The following RTTN variants were observed in gnomAD, a reference collection of about 807,000 sequenced individuals.
The protein encoded by RTTN is rotatin.
RTTN carries 182 observed loss-of-function variants against 269.2 expected under a neutral mutation model. The observed-to-expected ratio is 0.68, with a 90% CI of 0.60 to 0.76. The LOEUF (loss-of-function observed/expected upper bound fraction) is 0.76, where lower values mean the gene tolerates loss of function less well. Ranked by LOEUF, RTTN falls within the 30% of genes least tolerant of loss-of-function variation. The pLI is 0.00. For missense variants in RTTN, 2,545 were observed against 2,608.6 expected, an observed-to-expected ratio of 0.98 and a Z score of 0.53; for synonymous variants, 1,006 against 963.5, an observed-to-expected ratio of 1.04 and a Z score of -0.82.
intron 10 of RTTN, among the ~76,000 whole-genome samples, chr18:70,181,558 T>A (rs2061422684): frequency 6.6e-6 from 1 of 152,202 alleles, no homozygotes; most frequent in Non-Finnish European, 1.5e-5. Context: ...CATGCTGAGT[T>A]ACAGGGTTCC....
intron 14 of RTTN, among the ~76,000 whole-genome samples, chr18:70,164,546 C>T (rs1278812213): frequency 4.4e-5 from 2 of 45,374 alleles, no homozygotes; most frequent in East Asian, 0.023. Flanking sequence ...ATACATATCA[C>T]CATCAAAAAA....
intron 3 of RTTN, among the ~76,000 whole-genome samples, chr18:70,203,769 C>T (rs2062011483): frequency 6.6e-6 from 1 of 152,124 alleles, no homozygotes; most frequent in Non-Finnish European, 1.5e-5. Context: ...AAATATAAAG[C>T]ACTAAGAACA....
intron 34 of RTTN, among the ~76,000 whole-genome samples, chr18:70,066,592 T>C (rs531643362): frequency 8.5e-5 from 13 of 152,336 alleles, no homozygotes; most frequent in African/African-American, 3.1e-4. Flanking sequence ...AAAACACTTA[T>C]GTGGTGAGGT....
At chr18:70,105,827 T>C (rs1315113691) in intron 28 of RTTN, among the ~76,000 whole-genome samples, 1 of 152,100 alleles carries the variant, frequency 6.6e-6, no homozygotes, top group African/African-American at 2.4e-5. Context: ...CAATAAAACA[T>C]ATTTTTATAA....
intron 44 of RTTN, among the ~76,000 whole-genome samples, chr18:70,022,401 G>C (rs1383062506): frequency 6.6e-6 from 1 of 151,582 alleles, no homozygotes; most frequent in Non-Finnish European, 1.5e-5. Context: ...TACCCTCTCA[G>C]GCTGGGCTCT....
chr18:70,011,103 A>T (rs970622273), intron 46 of RTTN, among the ~76,000 whole-genome samples: 9 of 152,242 alleles, frequency 5.9e-5, no homozygotes, highest in Non-Finnish European at 7.3e-5. Flanking sequence ...TTAATAGCCT[A>T]CCAACCAAAA....
At chr18:70,085,958 A>G (rs2058689642) in intron 32 of RTTN, among the ~76,000 whole-genome samples, 1 of 152,176 alleles carries the variant, frequency 6.6e-6, no homozygotes, top group South Asian at 2.1e-4. Flanking sequence ...ACATGTACAT[A>G]TATCCCATGA....
At chr18:70,018,923 G>GA (rs368684885) in intron 45 of RTTN, among the ~76,000 whole-genome samples, 2 of 133,964 alleles carry the variant, frequency 1.5e-5, no homozygotes, top group Non-Finnish European at 3.1e-5. Context: ...TACCATGGTA[G>GA]AAAAAAAAAC....
rs2060221243 is a variant in RTTN at position 70,140,190 on chromosome 18, T to C, written c.2582-2A>G. 1 of 1,533,746 alleles carries C rather than the reference T, an allele frequency of 6.5e-7. No individual in the cohort carries two copies. The highest frequency in any genetic ancestry group is 1.7e-4 in the Middle Eastern group (1 of 5,900). The stretch of plus-strand genomic sequence containing the variant: ...TCACCACAGCATGCATTTTAATATC[T>C]GTAGATAAAAAAAGTTACTAAAAGT... On this transcript the variant is annotated splice_acceptor_variant, in intron 19 of 48. Coordinates refer to ENST00000640769, the MANE Select transcript of RTTN (RefSeq NM_173630.4). LOFTEE classifies it high-confidence loss of function.
chr18:70,205,400 G>A (rs2062051672), intron 1 of RTTN, 85 bp from the exon 2 acceptor site: 6 of 1,549,220 alleles, frequency 3.9e-6, no homozygotes, highest in Non-Finnish European at 8.8e-7. Context: ...GCGGCGTGAA[G>A]ACGGAATAAA....
Position 70,199,452 on chromosome 18 carries a change from CA to C in RTTN, c.539del (p.Leu180ArgfsTer16), listed in dbSNP as rs2061895467. The C allele has an allele frequency of 1.4e-5, 22 of 1,613,036 alleles. No individual in the cohort carries two copies. Among genetic ancestry groups the C allele is most frequent in the Non-Finnish European group, 1.9e-5 (22 of 1,179,390 alleles). On this transcript the variant is annotated frameshift_variant, in exon 5 of 49. Transcript: ENST00000640769. LOFTEE classifies it high-confidence loss of function. ...AGAGGACATGTCTGTCTGTGGTGGT[CA>C]GGGGTAGCCAAGGAAATGTAGAAAA... ...LKFSTFPWLP[L>X]TTTDRHVLSS...
At chr18:70,185,793 A>C (rs2061530675) in intron 10 of RTTN, among the ~76,000 whole-genome samples, 1 of 152,126 alleles carries the variant, frequency 6.6e-6, no homozygotes, top group Non-Finnish European at 1.5e-5. Context: ...CAAAACAAAA[A>C]AAACTACCAG....
In RTTN at chr18:70,061,280, A is replaced by T. The variant is rs529065071; in HGVS notation, c.4748-1238T>A. 1.8e-5 allele frequency: 8 copies of T among 452,216 alleles called. No individual in the cohort carries two copies. In the East Asian group the frequency reaches 5.6e-4, roughly 31 times the overall value. The allele number at this position is 452,216 out of a possible 1,614,324, so 28.0% of individuals were successfully genotyped here. A position where few individuals can be genotyped will look rare whatever the true frequency, so the allele number is the denominator to read the frequency against. On this transcript the variant is annotated intron_variant, in intron 35 of 48. Coordinates refer to ENST00000640769, the MANE Select transcript of RTTN (RefSeq NM_173630.4). Reference sequence around the variant, plus strand: ...AGGTACCTGCACCCTACATTAGTGAACACCTCCATTAACCTTTGAGCATTC... The same window carrying T: ...AGGTACCTGCACCCTACATTAGTGATCACCTCCATTAACCTTTGAGCATTC...
chr18:70,112,158 C>A (rs544166211), intron 27 of RTTN, among the ~76,000 whole-genome samples: 1 of 152,160 alleles, frequency 6.6e-6, no homozygotes, highest in South Asian at 2.1e-4. Flanking sequence ...GAAGGAAGCA[C>A]TAAATATGGA....
intron 26 of RTTN, among the ~76,000 whole-genome samples, chr18:70,117,317 A>G (rs1364350957): frequency 1.3e-5 from 2 of 152,052 alleles, no homozygotes; most frequent in African/African-American, 4.8e-5. Flanking sequence ...TACTCACTTC[A>G]AAGGATAAAC....
chr18:70,035,963 A>C (rs925861458), intron 40 of RTTN, among the ~76,000 whole-genome samples: 2 of 152,182 alleles, frequency 1.3e-5, no homozygotes, highest in African/African-American at 4.8e-5. Context: ...GCTCAACATC[A>C]CTGATCATTA....
intron 40 of RTTN, among the ~76,000 whole-genome samples, chr18:70,043,988 C>G (rs566844418): frequency 6.6e-6 from 1 of 152,276 alleles, no homozygotes; most frequent in South Asian, 2.1e-4. Context: ...GAAATCAAGA[C>G]GATATACAGA....
intron 33 of RTTN, among the ~76,000 whole-genome samples, chr18:70,074,304 T>C (rs1315374235): frequency 6.6e-6 from 1 of 152,058 alleles, no homozygotes; most frequent in Non-Finnish European, 1.5e-5. Context: ...AAGATGCCAA[T>C]GCTGTTAGTT....
At chr18:70,004,510 G>GC (rs1173343935) in intron 48 of RTTN, among the ~76,000 whole-genome samples, 4 of 151,424 alleles carry the variant, frequency 2.6e-5, no homozygotes, top group Non-Finnish European at 4.4e-5. Flanking sequence ...CCAAATGAAT[G>GC]CCATTAATCT....
Sources: gnomAD v4.1 joint callset for allele counts (sites outside exome capture counted in the v4.1 genomes callset) on GRCh38, gnomAD v4.1.1 for gene constraint, MANE v1.5 for transcripts, NCBI Gene and HGNC (gene_info 2026-07-23, HGNC 2026-07-21) for gene names.